Variants in TMEM132B observed in about 807,000 individuals in gnomAD.
TMEM132B encodes the protein transmembrane protein 132B.
Under a neutral mutation model 90.8 loss-of-function variants are expected in TMEM132B, and 18 were observed. That is an observed-to-expected ratio of 0.20 (90% confidence interval 0.14 to 0.29). The LOEUF (loss-of-function observed/expected upper bound fraction) is 0.29, where lower values mean the gene tolerates loss of function less well. Ranked by LOEUF, TMEM132B falls within the 10% of genes least tolerant of loss-of-function variation. TMEM132B has a pLI of 1.00. For synonymous variants in TMEM132B, 504 were observed against 523.3 expected, an observed-to-expected ratio of 0.96 and a Z score of 0.50; for missense variants, 1,096 against 1,326.8, an observed-to-expected ratio of 0.83 and a Z score of 2.70.
intron 1 of TMEM132B, chr12:125,326,515 A>G: frequency 7.8e-7 from 1 of 1,278,750 alleles, no homozygotes; most frequent in Non-Finnish European, 1.1e-6. Context: ...TGTATAGTAA[A>G]CATCGGCTTA....
chr12:125,384,443 G>A (rs1197463378), intron 2 of TMEM132B, among the ~76,000 whole-genome samples: 2 of 152,160 alleles, frequency 1.3e-5, no homozygotes, highest in East Asian at 3.9e-4. Context: ...TATTTATGGG[G>A]TACAATGTGA....
At chr12:125,541,610 C>G (rs1883958977) in intron 4 of TMEM132B, among the ~76,000 whole-genome samples, 1 of 151,926 alleles carries the variant, frequency 6.6e-6, no homozygotes, top group East Asian at 1.9e-4. Flanking sequence ...TAAATCTCAC[C>G]CTAAAAGGTG....
At chr12:125,564,181 A>C (rs1002484069) in intron 4 of TMEM132B, among the ~76,000 whole-genome samples, 1 of 152,230 alleles carries the variant, frequency 6.6e-6, no homozygotes, top group Non-Finnish European at 1.5e-5. Flanking sequence ...AACACTATTC[A>C]TGAGAGCGAG....
At chr12:125,420,655 C>T (rs1450520539) in intron 3 of TMEM132B, among the ~76,000 whole-genome samples, 1 of 152,224 alleles carries the variant, frequency 6.6e-6, no homozygotes, top group Non-Finnish European at 1.5e-5. Context: ...CATTTGACTC[C>T]TCATTACATA....
At chr12:125,469,772 G>A (rs1444142853) in intron 3 of TMEM132B, among the ~76,000 whole-genome samples, 3 of 152,194 alleles carry the variant, frequency 2.0e-5, no homozygotes, top group Non-Finnish European at 2.9e-5. Context: ...GTGTTCAGCT[G>A]TAACATAAAA....
At chr12:125,350,867 G>C (rs1877549918) in intron 2 of TMEM132B, among the ~76,000 whole-genome samples, 1 of 152,194 alleles carries the variant, frequency 6.6e-6, no homozygotes, top group Non-Finnish European at 1.5e-5. Context: ...GTATCATCAG[G>C]TGTGCATTGG....
chr12:125,214,091 A>T (rs142539255), intron 1 of TMEM132B, among the ~76,000 whole-genome samples: 148 of 152,304 alleles, frequency 9.7e-4, no homozygotes, highest in Non-Finnish European at 1.7e-3. Flanking sequence ...GGAGGTCTGA[A>T]TCGGGAGCAG....
At chr12:125,258,943 G>A (rs952950827) in intron 1 of TMEM132B, among the ~76,000 whole-genome samples, 2 of 152,144 alleles carry the variant, frequency 1.3e-5, no homozygotes, top group African/African-American at 4.8e-5. Context: ...TCCAGGCAGC[G>A]GAGAGGCATT....
At chr12:125,282,367 G>T (rs1456162470) in intron 1 of TMEM132B, among the ~76,000 whole-genome samples, 1 of 152,124 alleles carries the variant, frequency 6.6e-6, no homozygotes, top group Non-Finnish European at 1.5e-5. Context: ...GTCCTCTTCT[G>T]CAAGGATCAG....
At chr12:125,393,242 T>G (rs1296769859) in intron 2 of TMEM132B, among the ~76,000 whole-genome samples, 1 of 152,228 alleles carries the variant, frequency 6.6e-6, no homozygotes, top group Non-Finnish European at 1.5e-5. Flanking sequence ...GAAGTGCATA[T>G]TGAGCATTGA....
At chr12:125,222,655 A>C (rs1157380093) in intron 1 of TMEM132B, among the ~76,000 whole-genome samples, 1 of 152,210 alleles carries the variant, frequency 6.6e-6, no homozygotes. Context: ...CCTCTAGACC[A>C]AGGGTTCTTA....
chr12:125,610,655 A>G (rs963990831), intron 5 of TMEM132B, among the ~76,000 whole-genome samples: 4 of 151,942 alleles, frequency 2.6e-5, no homozygotes, highest in East Asian at 1.9e-4. Context: ...GTGTGTGTGT[A>G]TATATGTTTT....
At chr12:125,411,291 G>T (rs976552574) in intron 2 of TMEM132B, among the ~76,000 whole-genome samples, 3 of 147,006 alleles carry the variant, frequency 2.0e-5, no homozygotes, top group Non-Finnish European at 3.0e-5. Flanking sequence ...GTTCTCACTC[G>T]TAAGTGGGAG....
At position 125,336,459 on chromosome 12, in the gene TMEM132B, C is replaced by T. The variant is rs560713163; in HGVS notation, c.68-12993C>T. 2.6e-5 allele frequency among the ~76,000 whole-genome samples: 4 copies of T among 152,346 alleles called. No homozygotes were observed. The East Asian group carries it at 7.7e-4, about 29-fold the overall frequency. On this transcript the variant is annotated intron_variant, in intron 1 of 8. Transcript: ENST00000682704. ...TGCTGGATCCAGCCAGACCTGAAGC[C>T]AGCCTATGCCAGCTATGACTGACCT...
intron 1 of TMEM132B, among the ~76,000 whole-genome samples, chr12:125,255,567 T>G (rs1874421286): frequency 1.3e-5 from 2 of 152,190 alleles, no homozygotes; most frequent in Admixed American, 1.3e-4. Context: ...TCCACCATAT[T>G]AAAGGATCTT....
chr12:125,250,969 A>G (rs1231637033), intron 1 of TMEM132B, among the ~76,000 whole-genome samples: 1 of 152,226 alleles, frequency 6.6e-6, no homozygotes, highest in Non-Finnish European at 1.5e-5. Context: ...CCTCTGCTTC[A>G]GTGCCCTGTT....
intron 1 of TMEM132B, among the ~76,000 whole-genome samples, chr12:125,292,172 A>G (rs1875558312): frequency 6.6e-6 from 1 of 152,240 alleles, no homozygotes; most frequent in Non-Finnish European, 1.5e-5. Flanking sequence ...TGACTTCAGA[A>G]AGAAATGGGA....
At chr12:125,194,828 G>A (rs1300744616) in intron 1 of TMEM132B, among the ~76,000 whole-genome samples, 4 of 152,056 alleles carry the variant, frequency 2.6e-5, no homozygotes, top group Non-Finnish European at 5.9e-5. Context: ...GATGGAAAAT[G>A]TTATTTTGCT....
At chr12:125,238,755 C>A (rs1162740982) in intron 1 of TMEM132B, among the ~76,000 whole-genome samples, 2 of 152,192 alleles carry the variant, frequency 1.3e-5, no homozygotes, top group African/African-American at 4.8e-5. Flanking sequence ...GATTTATTTC[C>A]TCTCAAAACC....
Sources: allele counts gnomAD v4.1 joint callset (sites outside exome capture counted in the v4.1 genomes callset), GRCh38; gene constraint gnomAD v4.1.1; transcripts MANE v1.5; gene names NCBI Gene and HGNC (gene_info 2026-07-23, HGNC 2026-07-21).